ZBTB20: variants seen among roughly 807,000 people sequenced by gnomAD.
The protein encoded by ZBTB20 is zinc finger and BTB domain containing 20, also known as zinc finger and BTB domain-containing protein 20.
A neutral mutation model predicts 56.9 loss-of-function variants in ZBTB20; 9 were observed. That is an observed-to-expected ratio of 0.16 (90% CI 0.10 to 0.28). The LOEUF is 0.28. Ranked by LOEUF, ZBTB20 falls within the 10% of genes least tolerant of loss-of-function variation. The probability of loss-of-function intolerance (pLI) is 1.00; values close to 1 mark genes in which losing one functional copy is unlikely to be tolerated. For synonymous variants in ZBTB20, 417 were observed against 420.7 expected (o/e 0.99, Z 0.11); for missense variants, 655 against 1,003.0 (o/e 0.65, Z 4.69).
At chr3:114,355,689 A>T (rs2081178762) in intron 10 of ZBTB20, among the ~76,000 whole-genome samples, 1 of 152,136 alleles carries the variant, frequency 6.6e-6, no homozygotes, top group African/African-American at 2.4e-5. Context: ...AATCTGAAAT[A>T]CTCTACTGTA....
At chr3:114,423,858 C>A (rs866850477) in intron 7 of ZBTB20, among the ~76,000 whole-genome samples, 2 of 152,166 alleles carry the variant, frequency 1.3e-5, no homozygotes, top group South Asian at 2.1e-4. Flanking sequence ...ATCTGTAGAG[C>A]TTATCTTGAA....
chr3:114,910,081 AAAC>A (rs901749359), intron 3 of ZBTB20, among the ~76,000 whole-genome samples: 73 of 151,970 alleles, frequency 4.8e-4, no homozygotes, highest in African/African-American at 1.6e-3. Context: ...TAAAAAGAAA[AAAC>A]AAATCTATTT....
At chr3:114,599,129 T>G (rs1438241637) in intron 6 of ZBTB20, 1 of 152,102 alleles carries the variant, frequency 6.6e-6, no homozygotes, top group Non-Finnish European at 1.5e-5. Flanking sequence ...TCATCTGCTA[T>G]TGCCCCCTGA....
chr3:114,627,256 C>T (rs762010449), intron 6 of ZBTB20, among the ~76,000 whole-genome samples: 1 of 152,190 alleles, frequency 6.6e-6, no homozygotes, highest in Non-Finnish European at 1.5e-5. Context: ...GAGATCTATA[C>T]TGCTAGAATG....
At chr3:115,097,248 G>A (rs1203499223) in intron 1 of ZBTB20, among the ~76,000 whole-genome samples, 3 of 151,992 alleles carry the variant, frequency 2.0e-5, no homozygotes, top group East Asian at 1.9e-4. Context: ...GCACGATCTC[G>A]GCTCACTACA....
intron 2 of ZBTB20, among the ~76,000 whole-genome samples, chr3:115,010,753 T>A (rs2079667408): frequency 6.6e-6 from 1 of 151,828 alleles, no homozygotes; most frequent in Non-Finnish European, 1.5e-5. Flanking sequence ...TCTATAAGCA[T>A]CAACACCATC....
intron 2 of ZBTB20, among the ~76,000 whole-genome samples, chr3:115,033,830 A>T (rs1437473881): frequency 6.6e-6 from 1 of 151,806 alleles, no homozygotes; most frequent in East Asian, 1.9e-4. Flanking sequence ...TCTTATGAGC[A>T]TTGACAAGGA....
chr3:114,495,920 G>A (rs13327046), intron 7 of ZBTB20, among the ~76,000 whole-genome samples: 10 of 152,272 alleles, frequency 6.6e-5, no homozygotes, highest in African/African-American at 2.2e-4. Context: ...AAGTTGCCAA[G>A]GTGGTTCCTG....
intron 1 of ZBTB20, among the ~76,000 whole-genome samples, chr3:115,132,872 G>A (rs1323291002): frequency 6.6e-6 from 1 of 151,966 alleles, no homozygotes; most frequent in African/African-American, 2.4e-5. Flanking sequence ...AATTAAATTG[G>A]TATATTTCCT....
At chr3:114,817,520 A>AAAT (rs2073008592) in intron 4 of ZBTB20, among the ~76,000 whole-genome samples, 1 of 143,124 alleles carries the variant, frequency 7.0e-6, no homozygotes. Flanking sequence ...CTCTGTCTCA[A>AAAT]AAATAAATAA....
chr3:114,449,680 C>A (rs2091479665), intron 7 of ZBTB20, among the ~76,000 whole-genome samples: 1 of 103,110 alleles, frequency 9.7e-6, no homozygotes, highest in South Asian at 3.3e-4. Context: ...GGAAGCCTAG[C>A]TTTAAAAAAA....
chr3:114,776,773 A>G (rs1191238840), intron 5 of ZBTB20, among the ~76,000 whole-genome samples: 1 of 152,190 alleles, frequency 6.6e-6, no homozygotes, highest in Non-Finnish European at 1.5e-5. Context: ...TTGAAGACAA[A>G]ATTCTCTGTG....
chr3:115,050,939 C>T (rs1286877068), intron 2 of ZBTB20, among the ~76,000 whole-genome samples: 3 of 152,076 alleles, frequency 2.0e-5, no homozygotes, highest in Admixed American at 6.6e-5. Context: ...AAATTACAAA[C>T]TATTGTTTTT....
chr3:115,064,380 C>T (rs2082125470), intron 2 of ZBTB20, among the ~76,000 whole-genome samples: 1 of 150,862 alleles, frequency 6.6e-6, no homozygotes, highest in East Asian at 1.9e-4. Context: ...TTTTTCTACC[C>T]TTATACGTAA....
intron 7 of ZBTB20, among the ~76,000 whole-genome samples, chr3:114,400,340 T>C (rs148450838): frequency 3.6e-3 from 545 of 152,320 alleles, no homozygotes; most frequent in Admixed American, 4.8e-3. Context: ...GCCTATCTTA[T>C]AAAGTTGTGA....
At chr3:114,908,593 A>G (rs770217825) in intron 3 of ZBTB20, among the ~76,000 whole-genome samples, 1 of 151,956 alleles carries the variant, frequency 6.6e-6, no homozygotes, top group African/African-American at 2.4e-5. Context: ...AAGAGCTCAT[A>G]TATCAAAAAT....
chr3:114,955,788 C>A (rs776865297), intron 3 of ZBTB20, among the ~76,000 whole-genome samples: 15 of 151,698 alleles, frequency 9.9e-5, no homozygotes, highest in Non-Finnish European at 2.1e-4. Flanking sequence ...AACAAACAAA[C>A]AAAAAAATGG....
At chr3:115,042,168 T>C (rs2081170184) in intron 2 of ZBTB20, among the ~76,000 whole-genome samples, 1 of 151,990 alleles carries the variant, frequency 6.6e-6, no homozygotes, top group Admixed American at 6.6e-5. Context: ...ATACAGGAAT[T>C]TGAGATGTAC....
Position 114,830,917 on chromosome 3 carries a change from G to C in ZBTB20, c.-416-29743C>G, listed in dbSNP as rs532493279. Among the ~76,000 whole-genome samples the C allele has an allele frequency of 2.6e-5, 4 of 151,796 alleles. No homozygotes were observed. In the East Asian group the frequency reaches 5.8e-4, roughly 22 times the overall value. On this transcript the variant is annotated intron_variant, in intron 4 of 11. Coordinates refer to ENST00000675478, the MANE Select transcript of ZBTB20 (RefSeq NM_001348800.3). Reference sequence around the variant, plus strand: ...CACACAGCCTGAATACAAAAAGATAGGGGGCTCACTAACAAGGTTGCCTAT... The same window carrying C: ...CACACAGCCTGAATACAAAAAGATACGGGGCTCACTAACAAGGTTGCCTAT...
Sources: gnomAD v4.1 joint callset for allele counts (sites outside exome capture counted in the v4.1 genomes callset) on GRCh38, gnomAD v4.1.1 for gene constraint, MANE v1.5 for transcripts, NCBI Gene and HGNC (gene_info 2026-07-23, HGNC 2026-07-21) for gene names.